The following MLKL variants were observed in gnomAD, a reference collection of about 807,000 sequenced individuals.
The protein encoded by MLKL is mixed lineage kinase domain-like protein.
MLKL carries 55 observed loss-of-function variants against 56.5 expected under a neutral mutation model. The observed-to-expected ratio is 0.97, with a 90% CI of 0.78 to 1.22. The LOEUF (loss-of-function observed/expected upper bound fraction) is 1.22, where lower values mean the gene tolerates loss of function less well. MLKL is among the 50% of genes most tolerant of loss of function. The pLI is 0.00. For missense variants in MLKL, 694 were observed against 573.9 expected (o/e 1.21, Z -2.14); for synonymous variants, 251 against 208.3 (o/e 1.20, Z -1.76).
chr16:74,684,286 C>G (rs560840817), intron 5 of MLKL, among the ~76,000 whole-genome samples: 1 of 151,956 alleles, frequency 6.6e-6, no homozygotes, highest in South Asian at 2.1e-4. Flanking sequence ...ACTCTGAAAT[C>G]AAGTTGGCCT....
intron 1 of MLKL, among the ~76,000 whole-genome samples, chr16:74,700,054 T>C (rs939332778): frequency 3.3e-5 from 5 of 152,078 alleles, no homozygotes; most frequent in African/African-American, 1.2e-4. Context: ...CAATGCAAAT[T>C]CACCTCTTCC....
At chr16:74,695,199 A>T in intron 2 of MLKL, 99 bp downstream of exon 2, 2 of 1,292,704 alleles carry the variant, frequency 1.5e-6, no homozygotes, top group African/African-American at 2.9e-5. Context: ...AGTATATTAC[A>T]ACTGCTCAAA....
intron 4 of MLKL, among the ~76,000 whole-genome samples, chr16:74,686,602 A>G (rs1392972473): frequency 6.6e-6 from 1 of 152,210 alleles, no homozygotes. Flanking sequence ...ACAAAAAAAG[A>G]TATTTATTAA....
chr16:74,688,039 T>C (rs1028989531), intron 4 of MLKL, among the ~76,000 whole-genome samples: 2 of 152,340 alleles, frequency 1.3e-5, no homozygotes, highest in Middle Eastern at 3.4e-3. Context: ...TTAGCCAGGA[T>C]GGTCTTGATC....
chr16:74,675,335 C>G lies in MLKL; in HGVS notation c.1240+20G>C. 1 of 1,614,144 alleles carries G rather than the reference C, an allele frequency of 6.2e-7. No individual in the cohort carries two copies. ...GGACCCAACCTCACCACTGGCTGAG[C>G]CAGTCTTCACATTCTTCACCTTGAA... On this transcript the variant is annotated intron_variant, in intron 9 of 10. Transcript: ENST00000308807.
chr16:74,695,593 A>G lies in MLKL; in HGVS notation c.165T>C (p.Ser55=). The change falls in exon 2 of 11, where the codon TCT becomes TCC. Residue 55 remains serine (S), a synonymous_variant. Transcript: ENST00000308807. ...GGTTCATGGCTGTGGTTAACTTCTCAGAGGGCACGCTCCTCTTTCCTTGGT... is the reference window on the plus strand; with the variant it reads ...GGTTCATGGCTGTGGTTAACTTCTCGGAGGGCACGCTCCTCTTTCCTTGGT... The part of the protein sequence containing the change: ...LQDQGKRSVP[S]EKLTTAMNRF... The G allele has an allele frequency of 6.2e-7, 1 of 1,614,196 alleles. No homozygotes were observed. The highest frequency in any genetic ancestry group is 1.1e-5 in the South Asian group (1 of 91,084).
At position 74,682,517 on chromosome 16, in the gene MLKL, G is replaced by C. The variant is rs1258741918; in HGVS notation, c.956+134C>G. ...CTTTCCTCCCTCCTATCTGTAATCA[G>C]AGTAAATAGTAAAACAGTGTATGGG... On this transcript the variant is annotated intron_variant, in intron 6 of 10. Transcript: ENST00000308807. The C allele has an allele frequency of 6.4e-6, 8 of 1,249,662 alleles. No individual in the cohort carries two copies. The Admixed American group carries it at 1.7e-4, about 26-fold the overall frequency. The allele number at this position is 1,249,662 out of a possible 1,614,324, so 77.4% of individuals were successfully genotyped here. A position where few individuals can be genotyped will look rare whatever the true frequency, so the allele number is the denominator to read the frequency against.
chr16:74,694,398 C>T (rs1960893450), intron 2 of MLKL, among the ~76,000 whole-genome samples: 1 of 152,260 alleles, frequency 6.6e-6, no homozygotes, highest in Non-Finnish European at 1.5e-5. Flanking sequence ...ACTTCTCACG[C>T]CGGCCCCCTC....
intron 4 of MLKL, among the ~76,000 whole-genome samples, chr16:74,690,897 A>T (rs78888452): frequency 6.6e-6 from 1 of 151,558 alleles, no homozygotes; most frequent in African/African-American, 2.4e-5. Context: ...GAGTGAAAAA[A>T]GTGAGGAAAG....
intron 2 of MLKL, 143 bp downstream of exon 2, chr16:74,695,155 A>C: frequency 1.2e-6 from 1 of 862,122 alleles, no homozygotes; most frequent in Non-Finnish European, 1.8e-6. Flanking sequence ...TACAGGCGAG[A>C]GCCATCGCGC....
intron 5 of MLKL, among the ~76,000 whole-genome samples, chr16:74,684,776 C>G (rs984670134): frequency 6.6e-6 from 1 of 152,070 alleles, no homozygotes; most frequent in African/African-American, 2.4e-5. Flanking sequence ...AGCCACAGCG[C>G]CTGGCCAGGT....
intron 1 of MLKL, among the ~76,000 whole-genome samples, chr16:74,699,420 C>T (rs549470867): frequency 1.3e-5 from 2 of 152,070 alleles, no homozygotes; most frequent in South Asian, 4.1e-4. Context: ...TTAAAAACTG[C>T]AAAATATTGG....
chr16:74,684,322 G>C (rs946257844), intron 5 of MLKL, among the ~76,000 whole-genome samples: 9 of 151,392 alleles, frequency 5.9e-5, no homozygotes, highest in African/African-American at 2.2e-4. Flanking sequence ...CTTCCAAAGG[G>C]GATAAGACAG....
rs80032844 is a variant in MLKL, at chr16:74,691,503, A to G, written c.536-40T>C. The G allele has an allele frequency of 9.7e-3, 15,430 of 1,590,248 alleles. 99 individuals are homozygous for G. Among genetic ancestry groups the G allele is most frequent in the Non-Finnish European group, 0.011 (13,269 of 1,171,090 alleles). On this transcript the variant is annotated intron_variant, in intron 3 of 10. Transcript: ENST00000308807. ...GAGAGGAAAGAAGACAAAAGAGTCA[A>G]TGAGCAGAGGAAGGGGTCCTAAGGG...
At chr16:74,686,851 A>G (rs1228525628) in intron 4 of MLKL, among the ~76,000 whole-genome samples, 1 of 152,252 alleles carries the variant, frequency 6.6e-6, no homozygotes, top group Non-Finnish European at 1.5e-5. Flanking sequence ...TCAAAAGATT[A>G]AATTAAAAAT....
intron 2 of MLKL, 95 bp downstream of exon 2, chr16:74,695,203 G>T: frequency 1.5e-6 from 2 of 1,325,776 alleles, no homozygotes; most frequent in East Asian, 2.3e-5. Flanking sequence ...TATTACAACT[G>T]CTCAAACTTC....
intron 2 of MLKL, among the ~76,000 whole-genome samples, chr16:74,693,284 A>G (rs541635683): frequency 1.3e-5 from 2 of 151,906 alleles, no homozygotes; most frequent in African/African-American, 4.8e-5. Context: ...GTCAGTAGAG[A>G]TAGTGAAACC....
Position 74,691,453 on chromosome 16 carries a change from T to C in MLKL, c.546A>G (p.Pro182=). The change falls in exon 4 of 11, where the codon CCA becomes CCG. Residue 182 remains proline, a synonymous_variant. Transcript: ENST00000308807. ...IKETLRQYLP[P]KCMQEIPQEQ... is the part of the protein sequence containing the mutation. ...CTTGCGGGATCTCCTGCATGCATTT[T>C]GGTGGTAAATCTGACCTCACCCCCG... is the stretch of plus-strand genomic sequence containing the variant. 2 of 1,613,260 alleles carry C rather than the reference T, an allele frequency of 1.2e-6. No homozygotes were observed. Among genetic ancestry groups the C allele is most frequent in the East Asian group, 2.2e-5 (1 of 44,840 alleles).
At chr16:74,687,778 A>C (rs1436411752) in intron 4 of MLKL, among the ~76,000 whole-genome samples, 2 of 151,672 alleles carry the variant, frequency 1.3e-5, no homozygotes, top group Non-Finnish European at 2.9e-5. Flanking sequence ...AAGAGATTCT[A>C]CTGCCTCAGC....
Sources: gnomAD v4.1 joint callset for allele counts (sites outside exome capture counted in the v4.1 genomes callset) on GRCh38, gnomAD v4.1.1 for gene constraint, MANE v1.5 for transcripts, NCBI Gene and HGNC (gene_info 2026-07-23, HGNC 2026-07-21) for gene names.